Variants in TENM3 observed in about 807,000 individuals in gnomAD.
TENM3 encodes the protein teneurin transmembrane protein 3, also known as teneurin-3.
A neutral mutation model predicts 255.1 loss-of-function variants in TENM3; 63 were observed. The ratio of observed to expected loss-of-function variants is 0.25; its 90% CI spans 0.20 to 0.30. TENM3 has a LOEUF of 0.30. TENM3 is among the 10% of genes least tolerant of loss of function. TENM3 has a pLI of 1.00. For synonymous variants in TENM3, 1,306 were observed against 1,322.3 expected (o/e 0.99, Z 0.27); for missense variants, 2,929 against 3,461.1 (o/e 0.85, Z 3.86).
rs532065566 is a variant in TENM3, at chr4:182,290,503, A to G, written c.-75-33443A>G. On this transcript the variant is annotated intron_variant, in intron 1 of 27. Transcript: ENST00000511685. ...TACGTCCCTAAAAAGCCTTTTAAAT[A>G]GGAGGTTTTGTTTTAATTTGAGACA... Among the ~76,000 whole-genome samples the G allele has an allele frequency of 2.6e-5, 4 of 152,284 alleles. No homozygotes were observed. The East Asian group carries it at 7.7e-4, about 29-fold the overall frequency.
intron 3 of TENM3, among the ~76,000 whole-genome samples, chr4:182,543,163 A>T (rs1741061582): frequency 6.6e-6 from 1 of 151,954 alleles, no homozygotes; most frequent in African/African-American, 2.4e-5. Context: ...GGATGCATGG[A>T]TGGATGCATG....
At chr4:182,728,490 G>A (rs142493700) in intron 13 of TENM3, among the ~76,000 whole-genome samples, 121 of 152,258 alleles carry the variant, frequency 7.9e-4, no homozygotes, top group Non-Finnish European at 1.3e-3. Context: ...TCTCTATGAA[G>A]GCAGATGCAA....
chr4:182,189,971 G>A (rs1211311109), intron 1 of TENM3, among the ~76,000 whole-genome samples: 4 of 152,106 alleles, frequency 2.6e-5, no homozygotes, highest in African/African-American at 9.7e-5. Context: ...TTTGTTTTGG[G>A]AATTCTAATT....
At chr4:181,963,457 GA>G in the TENM3 span, among the ~76,000 whole-genome samples, 1 of 152,138 alleles carries the variant, frequency 6.6e-6, no homozygotes, top group African/African-American at 2.4e-5. Flanking sequence ...AAAGAACAAA[GA>G]AAGCTGTTTT....
chr4:182,381,114 G>A (rs4862054), intron 3 of TENM3, among the ~76,000 whole-genome samples: 127,304 of 152,190 alleles, frequency 0.84, 53,523 homozygotes, highest in East Asian at 0.92. Flanking sequence ...AGACAGCTGT[G>A]AGAGTCCCGA....
the TENM3 span, among the ~76,000 whole-genome samples, chr4:182,069,618 A>G: frequency 3.9e-5 from 6 of 152,020 alleles, no homozygotes; most frequent in Non-Finnish European, 8.8e-5. Context: ...CACCAAGTAA[A>G]TGTCAGTGCT....
intron 3 of TENM3, among the ~76,000 whole-genome samples, chr4:182,464,862 A>C (rs2309747): frequency 6.6e-6 from 1 of 151,850 alleles, no homozygotes; most frequent in African/African-American, 2.4e-5. Flanking sequence ...AAGACTAATA[A>C]AATTTTTTTG....
At chr4:181,593,970 G>A in the TENM3 span, among the ~76,000 whole-genome samples, 1 of 151,026 alleles carries the variant, frequency 6.6e-6, no homozygotes, top group Non-Finnish European at 1.5e-5. Context: ...ATAAATAGAA[G>A]GGTTATAGAT....
chr4:182,326,051 C>T (rs1473135075), intron 2 of TENM3, among the ~76,000 whole-genome samples: 2 of 152,172 alleles, frequency 1.3e-5, no homozygotes, highest in Non-Finnish European at 2.9e-5. Context: ...CTCACTCCTT[C>T]CAAGCCAAGG....
At chr4:182,234,185 C>T (rs1373242278) in intron 1 of TENM3, among the ~76,000 whole-genome samples, 1 of 152,172 alleles carries the variant, frequency 6.6e-6, no homozygotes, top group Non-Finnish European at 1.5e-5. Flanking sequence ...CTCTCTCTCT[C>T]TCTAACCTCT....
At chr4:182,667,410 C>T (rs144742939) in intron 6 of TENM3, among the ~76,000 whole-genome samples, 52 of 152,146 alleles carry the variant, frequency 3.4e-4, no homozygotes, top group African/African-American at 1.0e-3. Flanking sequence ...GGGCTGGTCT[C>T]GAACTCCTGA....
At chr4:182,643,242 ATATT>A (rs1752466616) in intron 5 of TENM3, among the ~76,000 whole-genome samples, 1 of 152,216 alleles carries the variant, frequency 6.6e-6, no homozygotes, top group African/African-American at 2.4e-5. Flanking sequence ...TGCATCGTGT[ATATT>A]TATGTATTCA....
chr4:182,475,544 C>G (rs925511098), intron 3 of TENM3, among the ~76,000 whole-genome samples: 30 of 151,930 alleles, frequency 2.0e-4, no homozygotes, highest in African/African-American at 7.0e-4. Flanking sequence ...GACTGAAATG[C>G]CATAATACTA....
intron 1 of TENM3, among the ~76,000 whole-genome samples, chr4:182,267,909 T>C (rs1217463069): frequency 6.6e-6 from 1 of 152,170 alleles, no homozygotes; most frequent in Non-Finnish European, 1.5e-5. Context: ...TCATCAGTTG[T>C]TTTTAAGTTT....
chr4:182,442,035 T>C (rs1772531442), intron 3 of TENM3, among the ~76,000 whole-genome samples: 1 of 152,134 alleles, frequency 6.6e-6, no homozygotes, highest in Non-Finnish European at 1.5e-5. Context: ...CATAAACTAT[T>C]CTTGGTGAAT....
chr4:181,888,895 T>C, the TENM3 span, among the ~76,000 whole-genome samples: 1 of 151,674 alleles, frequency 6.6e-6, no homozygotes, highest in African/African-American at 2.4e-5. Flanking sequence ...ATTTTTGTTC[T>C]ATTTGGGCCC....
chr4:181,912,975 T>C, the TENM3 span, among the ~76,000 whole-genome samples: 124,592 of 151,952 alleles, frequency 0.82, 51,472 homozygotes, highest in Middle Eastern at 0.91. Flanking sequence ...AGCAGACCTT[T>C]GGAAATGCAT....
chr4:181,564,043 T>TC, the TENM3 span, among the ~76,000 whole-genome samples: 1 of 142,960 alleles, frequency 7.0e-6, no homozygotes, highest in East Asian at 2.0e-4. Flanking sequence ...CTTTTTTCTT[T>TC]TTTTTTTTTT....
chr4:182,651,629 A>C (rs1039629927), intron 5 of TENM3, among the ~76,000 whole-genome samples: 8 of 152,084 alleles, frequency 5.3e-5, no homozygotes, highest in Non-Finnish European at 1.2e-4. Flanking sequence ...CCCGGGAGAC[A>C]GAGGTTGCAG....
Sources: gnomAD v4.1 joint callset for allele counts (sites outside exome capture counted in the v4.1 genomes callset) on GRCh38, gnomAD v4.1.1 for gene constraint, MANE v1.5 for transcripts, NCBI Gene and HGNC (gene_info 2026-07-23, HGNC 2026-07-21) for gene names.